Variants in THSD7A observed in about 807,000 individuals in gnomAD.
THSD7A encodes the protein thrombospondin type 1 domain containing 7A, also known as thrombospondin type-1 domain-containing protein 7A.
THSD7A carries 96 observed loss-of-function variants against 231.3 expected under a neutral mutation model. That is an observed-to-expected ratio of 0.41 (90% CI 0.35 to 0.49). The LOEUF is 0.49. Ranked by LOEUF, THSD7A falls within the 20% of genes least tolerant of loss-of-function variation. The pLI is 0.05. For synonymous variants in THSD7A, 940 were observed against 743.3 expected, an observed-to-expected ratio of 1.26 and a Z score of -4.30; for missense variants, 2,290 against 2,070.2, an observed-to-expected ratio of 1.11 and a Z score of -2.06.
At chr7:11,683,655 C>T (rs1396808215) in intron 1 of THSD7A, among the ~76,000 whole-genome samples, 2 of 151,850 alleles carry the variant, frequency 1.3e-5, no homozygotes, top group Non-Finnish European at 2.9e-5. Context: ...TACAAACAGC[C>T]TCCCAAAATT....
chr7:11,402,629 C>G (rs1436916289), intron 22 of THSD7A, among the ~76,000 whole-genome samples: 1 of 152,148 alleles, frequency 6.6e-6, no homozygotes, highest in Non-Finnish European at 1.5e-5. Flanking sequence ...TTTCGATAAT[C>G]TGATTATATA....
At chr7:11,650,109 C>G (rs978437790) in intron 1 of THSD7A, among the ~76,000 whole-genome samples, 1 of 152,084 alleles carries the variant, frequency 6.6e-6, no homozygotes, top group Non-Finnish European at 1.5e-5. Context: ...ATCTGCATAT[C>G]AAGTGTCAAA....
intron 4 of THSD7A, among the ~76,000 whole-genome samples, chr7:11,544,468 C>T (rs1041796584): frequency 3.9e-5 from 6 of 152,156 alleles, no homozygotes; most frequent in African/African-American, 1.4e-4. Context: ...GGATGCTTAG[C>T]TATTTCTCAT....
At chr7:11,776,750 G>A (rs780473570) in intron 1 of THSD7A, among the ~76,000 whole-genome samples, 8 of 152,140 alleles carry the variant, frequency 5.3e-5, no homozygotes, top group Non-Finnish European at 7.4e-5. Context: ...AGCTAAAGAC[G>A]CATCTTGACA....
intron 1 of THSD7A, among the ~76,000 whole-genome samples, chr7:11,819,772 G>C (rs1325019447): frequency 6.6e-6 from 1 of 152,140 alleles, no homozygotes; most frequent in Non-Finnish European, 1.5e-5. Context: ...AAAATCCTTA[G>C]AATGTGCAAT....
intron 6 of THSD7A, among the ~76,000 whole-genome samples, chr7:11,485,485 G>A (rs1165942683): frequency 1.3e-5 from 2 of 152,158 alleles, no homozygotes; most frequent in African/African-American, 4.8e-5. Flanking sequence ...AAGAATGTAT[G>A]AATGTTGTAT....
intron 4 of THSD7A, among the ~76,000 whole-genome samples, chr7:11,575,851 T>A (rs1790877304): frequency 6.6e-6 from 1 of 152,228 alleles, no homozygotes; most frequent in African/African-American, 2.4e-5. Flanking sequence ...AGCTTCCTTA[T>A]AAAATTCATT....
At chr7:11,610,785 T>C (rs1367526424) in intron 2 of THSD7A, among the ~76,000 whole-genome samples, 1 of 152,158 alleles carries the variant, frequency 6.6e-6, no homozygotes, top group Non-Finnish European at 1.5e-5. Flanking sequence ...TCATTACAAC[T>C]ATATGGAATT....
intron 6 of THSD7A, among the ~76,000 whole-genome samples, chr7:11,496,404 G>A (rs991279793): frequency 3.9e-5 from 6 of 152,126 alleles, no homozygotes; most frequent in Non-Finnish European, 7.4e-5. Context: ...AGGTGATCCA[G>A]TTTAAGGATT....
chr7:11,755,909 G>T (rs542668647), intron 1 of THSD7A, among the ~76,000 whole-genome samples: 1 of 152,040 alleles, frequency 6.6e-6, no homozygotes, highest in East Asian at 1.9e-4. Flanking sequence ...TTTAGAGAAA[G>T]GCAAGGAAAA....
chr7:11,671,125 G>GAC (rs1339229209), intron 1 of THSD7A, among the ~76,000 whole-genome samples: 2 of 151,892 alleles, frequency 1.3e-5, no homozygotes, highest in African/African-American at 2.4e-5. Context: ...AACATTAATA[G>GAC]ACCTTCAAGG....
At chr7:11,540,148 C>T (rs972774796) in intron 6 of THSD7A, among the ~76,000 whole-genome samples, 1 of 152,190 alleles carries the variant, frequency 6.6e-6, no homozygotes, top group Non-Finnish European at 1.5e-5. Context: ...GGACATATCA[C>T]AGCAGATTAT....
intron 1 of THSD7A, among the ~76,000 whole-genome samples, chr7:11,751,995 A>C (rs10950366): frequency 0.22 from 33,936 of 152,074 alleles, 5,480 homozygotes; most frequent in African/African-American, 0.46. Context: ...ACAATTTCAG[A>C]TGAGCAGGGT....
At chr7:11,816,766 A>C (rs1001584264) in intron 1 of THSD7A, among the ~76,000 whole-genome samples, 1 of 152,200 alleles carries the variant, frequency 6.6e-6, no homozygotes, top group Admixed American at 6.5e-5. Flanking sequence ...ACATTTTTAA[A>C]AGTCACTACT....
At chr7:11,730,108 T>G (rs932316925) in intron 1 of THSD7A, among the ~76,000 whole-genome samples, 1 of 151,694 alleles carries the variant, frequency 6.6e-6, no homozygotes, top group Non-Finnish European at 1.5e-5. Flanking sequence ...TCCATTTAGA[T>G]TTACCTGTTT....
intron 1 of THSD7A, among the ~76,000 whole-genome samples, chr7:11,741,094 CT>C (rs913277561): frequency 6.6e-6 from 1 of 151,900 alleles, no homozygotes; most frequent in Non-Finnish European, 1.5e-5. Flanking sequence ...ATTGTCCAAA[CT>C]GGAAAAGTGT....
intron 1 of THSD7A, among the ~76,000 whole-genome samples, chr7:11,797,734 T>C (rs1784168009): frequency 6.6e-6 from 1 of 152,118 alleles, no homozygotes; most frequent in Admixed American, 6.6e-5. Flanking sequence ...TTTCATTTTC[T>C]AATAAGAGAT....
intron 1 of THSD7A, among the ~76,000 whole-genome samples, chr7:11,781,608 A>G (rs865833586): frequency 1.1e-4 from 16 of 152,328 alleles, no homozygotes; most frequent in African/African-American, 3.4e-4. Context: ...TAAAGTAGAT[A>G]TTATCAAAAC....
intron 1 of THSD7A, among the ~76,000 whole-genome samples, chr7:11,811,619 T>C (rs1784530328): frequency 6.6e-6 from 1 of 152,158 alleles, no homozygotes; most frequent in African/African-American, 2.4e-5. Flanking sequence ...AATGAGAACG[T>C]TTCCAAAGCC....
Sources: allele counts gnomAD v4.1 joint callset (sites outside exome capture counted in the v4.1 genomes callset), GRCh38; gene constraint gnomAD v4.1.1; transcripts MANE v1.5; gene names NCBI Gene and HGNC (gene_info 2026-07-23, HGNC 2026-07-21).